The following MTHFD1L variants were observed in gnomAD, a reference collection of about 807,000 sequenced individuals.
The protein encoded by MTHFD1L is methylenetetrahydrofolate dehydrogenase (NADP+ dependent) 1 like.
A neutral mutation model predicts 119.5 loss-of-function variants in MTHFD1L; 81 were observed. The ratio of observed to expected loss-of-function variants is 0.68; its 90% CI spans 0.57 to 0.82. MTHFD1L has a LOEUF of 0.82. MTHFD1L is among the 40% of genes least tolerant of loss of function. MTHFD1L has a pLI of 0.00. For missense variants in MTHFD1L, 1,125 were observed against 1,253.4 expected, an observed-to-expected ratio of 0.90 and a Z score of 1.55; for synonymous variants, 430 against 475.2, an observed-to-expected ratio of 0.90 and a Z score of 1.24.
intron 27 of MTHFD1L, among the ~76,000 whole-genome samples, chr6:151,100,407 C>T (rs923022866): frequency 1.3e-5 from 2 of 152,114 alleles, no homozygotes; most frequent in Non-Finnish European, 2.9e-5. Flanking sequence ...TGAAGCTCCT[C>T]GTTCCCTCTC....
chr6:151,069,299 T>C (rs1791703782), intron 26 of MTHFD1L, among the ~76,000 whole-genome samples: 1 of 137,514 alleles, frequency 7.3e-6, no homozygotes, highest in Non-Finnish European at 1.6e-5. Flanking sequence ...CTCTCTGTCA[T>C]AGGGACCTCC....
At chr6:151,063,650 T>C (rs781141977) in intron 26 of MTHFD1L, among the ~76,000 whole-genome samples, 1 of 152,338 alleles carries the variant, frequency 6.6e-6, no homozygotes, top group Non-Finnish European at 1.5e-5. Context: ...TTCTTTTCCA[T>C]TGAGCTAGCC....
In MTHFD1L at chr6:150,933,377, A is replaced by G. The variant is rs145781220; in HGVS notation, c.1257-3427A>G. Among the ~76,000 whole-genome samples the G allele has an allele frequency of 9.9e-3, 1,499 of 152,178 alleles. 12 individuals carry two copies. Among genetic ancestry groups the G allele is most frequent in the Middle Eastern group, 0.017 (5 of 294 alleles). ...CAGTTTCTTTACAGGCTCTTCTAAG[A>G]TTGTAATGCCTGTGGGCTTTTAACT... On this transcript the variant is annotated intron_variant, in intron 11 of 27. Coordinates refer to ENST00000367321, the MANE Select transcript of MTHFD1L (RefSeq NM_015440.5).
chr6:151,048,907 C>T lies in MTHFD1L; in HGVS notation c.2847+11790C>T, dbSNP rs1158806250. ...ACCAAATATTTCTCACAAACACCAA[C>T]CAGGTGTCCTCTTATTCAATTCAAT... On this transcript the variant is annotated intron_variant, in intron 26 of 27. Coordinates refer to ENST00000367321, the MANE Select transcript of MTHFD1L (RefSeq NM_015440.5). 2.6e-5 allele frequency among the ~76,000 whole-genome samples: 4 copies of T among 152,204 alleles called. No individual in the cohort carries two copies. The South Asian group carries it at 8.3e-4, about 32-fold the overall frequency.
intron 26 of MTHFD1L, among the ~76,000 whole-genome samples, chr6:151,085,127 A>G (rs1380781354): frequency 6.6e-6 from 1 of 151,500 alleles, no homozygotes; most frequent in Non-Finnish European, 1.5e-5. Flanking sequence ...CATAAAAATT[A>G]TTTGCAGAGG....
intron 20 of MTHFD1L, among the ~76,000 whole-genome samples, chr6:150,989,255 A>C (rs982008962): frequency 6.6e-6 from 1 of 152,232 alleles, no homozygotes. Flanking sequence ...GGAATGATAA[A>C]GGAAGACTTC....
intron 20 of MTHFD1L, among the ~76,000 whole-genome samples, chr6:151,008,960 T>C (rs867559844): frequency 1.8e-5 from 2 of 112,948 alleles, no homozygotes; most frequent in South Asian, 4.6e-4. Context: ...CTACTAACAA[T>C]AAAAAAAAAA....
At chr6:150,910,576 T>TTCTTAATTGCA (rs1393833589) in intron 8 of MTHFD1L, among the ~76,000 whole-genome samples, 16 of 150,708 alleles carry the variant, frequency 1.1e-4, no homozygotes, top group Non-Finnish European at 1.8e-4. Flanking sequence ...AAAAAAGAAA[T>TTCTTAATTGCA]TCTTAATTGC....
intron 24 of MTHFD1L, among the ~76,000 whole-genome samples, chr6:151,029,676 A>C (rs369033586): frequency 6.6e-6 from 1 of 152,098 alleles, no homozygotes; most frequent in Non-Finnish European, 1.5e-5. Context: ...CATGCCTGTA[A>C]TCCCAGCTAC....
At chr6:151,090,483 A>G (rs1322391675) in intron 26 of MTHFD1L, among the ~76,000 whole-genome samples, 8 of 152,244 alleles carry the variant, frequency 5.3e-5, no homozygotes, top group Non-Finnish European at 1.0e-4. Context: ...GCTCCCAGGT[A>G]ATGCCCATGC....
chr6:150,908,064 A>ATTT (rs577851058), intron 8 of MTHFD1L, among the ~76,000 whole-genome samples: 1 of 136,636 alleles, frequency 7.3e-6, no homozygotes. Context: ...CGCCTGGCCA[A>ATTT]TTTTTTTTTT....
chr6:151,040,258 G>C (rs1786897090), intron 26 of MTHFD1L, among the ~76,000 whole-genome samples: 1 of 152,180 alleles, frequency 6.6e-6, no homozygotes, highest in African/African-American at 2.4e-5. Context: ...ACTCAGCTCG[G>C]GGCTACAGGG....
intron 26 of MTHFD1L, among the ~76,000 whole-genome samples, chr6:151,040,579 A>C (rs1166372551): frequency 6.6e-6 from 1 of 152,012 alleles, no homozygotes; most frequent in Non-Finnish European, 1.5e-5. Flanking sequence ...CATGGCACGC[A>C]CCTGGAGTCC....
intron 8 of MTHFD1L, among the ~76,000 whole-genome samples, chr6:150,909,719 A>G (rs1786538425): frequency 6.6e-6 from 1 of 152,224 alleles, no homozygotes; most frequent in Non-Finnish European, 1.5e-5. Context: ...CTCAGAAAAC[A>G]GTATCAAAAC....
intron 19 of MTHFD1L, among the ~76,000 whole-genome samples, chr6:150,968,212 A>G (rs1223064334): frequency 2.2e-5 from 3 of 134,392 alleles, no homozygotes; most frequent in African/African-American, 8.4e-5. Flanking sequence ...TGTTTTCTGT[A>G]TTTCTCCTCC....
intron 16 of MTHFD1L, among the ~76,000 whole-genome samples, chr6:150,950,794 C>T (rs368584716): frequency 1.5e-4 from 23 of 152,192 alleles, no homozygotes; most frequent in Admixed American, 3.9e-4. Context: ...CTCATCCTTA[C>T]GAGTAGCTGG....
At chr6:150,878,435 A>G (rs1780831824) in intron 4 of MTHFD1L, among the ~76,000 whole-genome samples, 1 of 152,100 alleles carries the variant, frequency 6.6e-6, no homozygotes, top group South Asian at 2.1e-4. Context: ...TATCTTTAGT[A>G]GAGATGGGGT....
chr6:150,917,547 CA>C (rs905014345), intron 8 of MTHFD1L, among the ~76,000 whole-genome samples: 4 of 150,594 alleles, frequency 2.7e-5, no homozygotes, highest in Admixed American at 6.6e-5. Flanking sequence ...CCCACTGTGT[CA>C]AAAAAAAATC....
In MTHFD1L at chr6:151,034,524, C is replaced by T. The variant is rs142733823; in HGVS notation, c.2618C>T (p.Ala873Val). 2.5e-4 allele frequency: 402 copies of T among 1,611,670 alleles called. No individual in the cohort carries two copies. The highest frequency in any genetic ancestry group is 2.0e-3 in the Middle Eastern group (9 of 4,430). ...ATTGTGGACAAGATAAGGACCATTG[C>T]TCAGGCTGTCTATGGAGCCAAAGAT... The part of the protein sequence containing the change: ...VPIVDKIRTI[A>V]QAVYGAKDIE... Residue 873 changes from alanine to valine, a missense_variant, in exon 25 of 28, where the codon GCT becomes GTT. By Grantham distance (64) the Ala-to-Val change is moderately conservative. This residue lies in a region of MTHFD1L where 1,058 missense variants were observed against 1,151.2 expected (regional missense o/e 0.92). Transcript: ENST00000367321.
Sources: gnomAD v4.1 joint callset for allele counts (sites outside exome capture counted in the v4.1 genomes callset) on GRCh38, gnomAD v4.1.1 for gene constraint, gnomAD v4.1.1 regional missense constraint, MANE v1.5 for transcripts, NCBI Gene and HGNC (gene_info 2026-07-23, HGNC 2026-07-21) for gene names.